Variants in RASSF3 observed in about 807,000 individuals in gnomAD.
RASSF3 encodes the protein Ras association domain family member 3, also known as ras association domain-containing protein 3.
A neutral mutation model predicts 19.9 loss-of-function variants in RASSF3; 19 were observed. The ratio of observed to expected loss-of-function variants is 0.96; its 90% CI spans 0.67 to 1.40. RASSF3 has a LOEUF of 1.40. RASSF3 is among the 40% of genes most tolerant of loss of function. The probability of loss-of-function intolerance (pLI) is 0.00; values close to 1 mark genes in which losing one functional copy is unlikely to be tolerated. For missense variants in RASSF3, 306 were observed against 289.8 expected, an observed-to-expected ratio of 1.06 and a Z score of -0.41; for synonymous variants, 110 against 104.2, an observed-to-expected ratio of 1.06 and a Z score of -0.34.
intron 2 of RASSF3, among the ~76,000 whole-genome samples, chr12:64,581,768 A>C (rs1275959587): frequency 6.9e-6 from 1 of 144,614 alleles, no homozygotes; most frequent in African/African-American, 2.8e-5. Context: ...TAAATCTGAA[A>C]ACCTTTCAAA....
At chr12:64,687,131 T>C (rs1216588109) in intron 2 of RASSF3, among the ~76,000 whole-genome samples, 1 of 151,934 alleles carries the variant, frequency 6.6e-6, no homozygotes, top group Non-Finnish European at 1.5e-5. Context: ...GTAGCTGGGA[T>C]TATAGGCACC....
intron 1 of RASSF3, among the ~76,000 whole-genome samples, chr12:64,679,654 G>A (rs537175762): frequency 4.6e-5 from 7 of 152,236 alleles, no homozygotes; most frequent in South Asian, 4.1e-4. Context: ...AAACAGTGAC[G>A]TAACCCCACC....
chr12:64,679,216 A>C (rs1265902817), intron 1 of RASSF3, among the ~76,000 whole-genome samples: 1 of 152,128 alleles, frequency 6.6e-6, no homozygotes, highest in Admixed American at 6.5e-5. Context: ...GTGTGCCACC[A>C]CACCCAGCTA....
At chr12:64,601,713 C>T (rs552130008) in intron 2 of RASSF3, among the ~76,000 whole-genome samples, 2 of 151,738 alleles carry the variant, frequency 1.3e-5, no homozygotes, top group South Asian at 2.1e-4. Context: ...CTCAGGAGGC[C>T]GAGGTGGGAA....
intron 1 of RASSF3, among the ~76,000 whole-genome samples, chr12:64,634,680 G>C (rs1005740930): frequency 2.7e-5 from 4 of 146,484 alleles, no homozygotes; most frequent in African/African-American, 1.0e-4. Flanking sequence ...AGAATCGCTT[G>C]AATTTGGCAG....
intron 1 of RASSF3, among the ~76,000 whole-genome samples, chr12:64,676,467 C>CTTTTTTTTT (rs34917109): frequency 1.4e-5 from 1 of 69,772 alleles, no homozygotes; most frequent in Non-Finnish European, 2.6e-5. Context: ...CTGTGCCCAG[C>CTTTTTTTTT]TTTTTTTTTT....
intron 1 of RASSF3, among the ~76,000 whole-genome samples, chr12:64,541,100 C>T (rs1345808838): frequency 6.6e-6 from 1 of 151,340 alleles, no homozygotes; most frequent in Non-Finnish European, 1.5e-5. Context: ...ATTCTCCTGC[C>T]TCAGCCTCCC....
chr12:64,616,519 T>C (rs1462970571), intron 1 of RASSF3, among the ~76,000 whole-genome samples: 1 of 152,220 alleles, frequency 6.6e-6, no homozygotes, highest in African/African-American at 2.4e-5. Flanking sequence ...GTAGCTGTCT[T>C]TCAATAAAGG....
chr12:64,566,203 A>C (rs914319815), intron 2 of RASSF3, among the ~76,000 whole-genome samples: 1 of 152,234 alleles, frequency 6.6e-6, no homozygotes, highest in Non-Finnish European at 1.5e-5. Context: ...TCTGTCTCAA[A>C]AAAAAGTCTT....
At chr12:64,578,380 G>A (rs1205313118) in intron 2 of RASSF3, among the ~76,000 whole-genome samples, 1 of 152,226 alleles carries the variant, frequency 6.6e-6, no homozygotes, top group African/African-American at 2.4e-5. Flanking sequence ...TAGGCCAGGT[G>A]TGGTGGCTCC....
intron 1 of RASSF3, among the ~76,000 whole-genome samples, chr12:64,618,508 A>G (rs942060360): frequency 6.6e-6 from 1 of 151,758 alleles, no homozygotes; most frequent in Non-Finnish European, 1.5e-5. Flanking sequence ...TGTATTTTTA[A>G]AGTAGAGACG....
At chr12:64,634,754 C>T (rs1871275076) in intron 1 of RASSF3, among the ~76,000 whole-genome samples, 1 of 107,218 alleles carries the variant, frequency 9.3e-6, no homozygotes, top group South Asian at 3.2e-4. Flanking sequence ...CAGCGAGACA[C>T]CATCTCATAA....
chr12:64,636,865 C>CAAA (rs762865541), intron 1 of RASSF3, among the ~76,000 whole-genome samples: 1 of 63,512 alleles, frequency 1.6e-5, no homozygotes, highest in Non-Finnish European at 3.0e-5. Flanking sequence ...AACTCCGTCT[C>CAAA]AAAAAAAAAA....
At chr12:64,552,220 G>A (rs1433492593) in intron 2 of RASSF3, among the ~76,000 whole-genome samples, 1 of 152,128 alleles carries the variant, frequency 6.6e-6, no homozygotes. Flanking sequence ...AGAAAGGAAA[G>A]GGTAGAGGGA....
chr12:64,611,072 C>T (rs1324922715), intron 1 of RASSF3, among the ~76,000 whole-genome samples: 1 of 152,196 alleles, frequency 6.6e-6, no homozygotes, highest in East Asian at 1.9e-4. Flanking sequence ...GCCACTCCCC[C>T]AGGTTTCCCC....
At position 64,688,239 on chromosome 12, in the gene RASSF3, C is replaced by T. The variant is rs1176430517; in HGVS notation, c.243C>T (p.Gly81=). 1.2e-6 allele frequency: 2 copies of T among 1,613,808 alleles called. No individual in the cohort carries two copies. Among genetic ancestry groups the T allele is most frequent in the East Asian group, 4.5e-5 (2 of 44,898 alleles). Residue 81 remains glycine, a synonymous_variant, in exon 3 of 5, where the codon GGC becomes GGT. Transcript: ENST00000542104. ...MTLNSNGIYT[G]FIKVQMELCK... The stretch of plus-strand genomic sequence containing the variant: ...AGAATTCAAATGGGATTTACACTGG[C>T]TTCATTAAAGTACAGATGGAACTCT...
At position 64,522,692 on chromosome 12, in the gene RASSF3, T is replaced by TA. The variant is rs140154423; in HGVS notation, c.169+15371dup. Among the ~76,000 whole-genome samples the TA allele has an allele frequency of 0.011, 1,617 of 151,924 alleles. 128 individuals carry two copies. In the East Asian group the frequency reaches 0.2, roughly 19 times the overall value. On this transcript the variant is annotated intron_variant, in intron 1 of 5. Coordinates refer to the RASSF3 transcript ENST00000637125. ...GTGCCAGGAGTCTCAACGCAAGAAATAAAAAAAACTGGAAGTTTCACCCAC... is the reference window on the plus strand; with the variant it reads ...GTGCCAGGAGTCTCAACGCAAGAAATAAAAAAAAACTGGAAGTTTCACCCAC...
At chr12:64,625,211 T>C (rs1476339403) in intron 1 of RASSF3, among the ~76,000 whole-genome samples, 1 of 152,022 alleles carries the variant, frequency 6.6e-6, no homozygotes, top group Non-Finnish European at 1.5e-5. Flanking sequence ...TCCTGGAGGA[T>C]TAATTTATTA....
chr12:64,597,036 G>C (rs1036377699), intron 2 of RASSF3, among the ~76,000 whole-genome samples: 3 of 152,128 alleles, frequency 2.0e-5, no homozygotes, highest in Non-Finnish European at 4.4e-5. Context: ...TACAATGCTA[G>C]GATTACAGGC....
Sources: gnomAD v4.1 joint callset for allele counts (sites outside exome capture counted in the v4.1 genomes callset) on GRCh38, gnomAD v4.1.1 for gene constraint, MANE v1.5 for transcripts, NCBI Gene and HGNC (gene_info 2026-07-23, HGNC 2026-07-21) for gene names.